Variants in STARD10 observed in about 807,000 individuals in gnomAD.
STARD10 encodes START domain-containing protein 10.
Under a neutral mutation model 36.0 loss-of-function variants are expected in STARD10, and 24 were observed. That is an observed-to-expected ratio of 0.67 (90% CI 0.48 to 0.94). The LOEUF (loss-of-function observed/expected upper bound fraction) is 0.94, where lower values mean the gene tolerates loss of function less well. Among genes scored for constraint, STARD10 ranks in the 40% least tolerant of loss-of-function variants. The probability of loss-of-function intolerance (pLI) is 0.00; values close to 1 mark genes in which losing one functional copy is unlikely to be tolerated. For missense variants in STARD10, 335 were observed against 396.6 expected (o/e 0.84, Z 1.32); for synonymous variants, 156 against 161.9 (o/e 0.96, Z 0.28).
intron 2 of STARD10, among the ~76,000 whole-genome samples, chr11:72,768,444 C>T (rs558638864): frequency 6.6e-6 from 1 of 151,736 alleles, no homozygotes; most frequent in African/African-American, 2.4e-5. Flanking sequence ...ACTTTACACT[C>T]CCCCCGCCCC....
chr11:72,756,215 T>C (rs1858641667), intron 5 of STARD10, among the ~76,000 whole-genome samples: 1 of 152,082 alleles, frequency 6.6e-6, no homozygotes, highest in South Asian at 2.1e-4. Context: ...TGACCTGGAA[T>C]CCACTGCCCA....
chr11:72,769,908 G>A (rs1436706191), intron 2 of STARD10, among the ~76,000 whole-genome samples: 2 of 152,172 alleles, frequency 1.3e-5, no homozygotes, highest in African/African-American at 2.4e-5. Flanking sequence ...AGCTAGCTCT[G>A]CACCTTCAGA....
intron 2 of STARD10, among the ~76,000 whole-genome samples, chr11:72,769,244 A>C (rs1340641522): frequency 6.6e-6 from 1 of 152,214 alleles, no homozygotes; most frequent in Non-Finnish European, 1.5e-5. Context: ...TCAGTAAATT[A>C]CCAAAAATAT....
intron 1 of STARD10, among the ~76,000 whole-genome samples, chr11:72,788,657 G>C (rs905874642): frequency 5.3e-5 from 8 of 150,884 alleles, no homozygotes; most frequent in Admixed American, 2.6e-4. Flanking sequence ...CCACCTCCCA[G>C]ATTCAAGTGA....
chr11:72,761,681 G>T (rs1322145829), intron 2 of STARD10, among the ~76,000 whole-genome samples: 2 of 151,914 alleles, frequency 1.3e-5, no homozygotes, highest in Non-Finnish European at 2.9e-5. Flanking sequence ...GGAGGTGGAG[G>T]TTTCCGTGAG....
chr11:72,791,010 T>C (rs1326271414), intron 1 of STARD10, among the ~76,000 whole-genome samples: 1 of 152,244 alleles, frequency 6.6e-6, no homozygotes, highest in Non-Finnish European at 1.5e-5. Context: ...GGCTAACAGT[T>C]ACTGAATGCT....
At position 72,754,778 on chromosome 11, in the gene STARD10, CCCGCCTGGGCCTGG is replaced by C; in HGVS notation, c.*105_*118del. 6.9e-7 allele frequency: 1 copy of C among 1,439,508 alleles called. No individual in the cohort carries two copies. Among genetic ancestry groups the C allele is most frequent in the East Asian group, 2.5e-5 (1 of 40,164 alleles). 89.2% of individuals were successfully genotyped at this position (1,439,508 alleles called of 1,614,324 possible). On this transcript the variant is annotated 3_prime_UTR_variant, in exon 7 of 7. Coordinates refer to ENST00000334805, the MANE Select transcript of STARD10 (RefSeq NM_006645.3). ...GGCTCTGTCCAGCCAGGCTGCAGCA[CCCGCCTGGGCCTGG>C]CCCGGTGCCACCAGGTGCCGGGTGG...
At chr11:72,777,009 T>C (rs1858936828) in intron 2 of STARD10, among the ~76,000 whole-genome samples, 1 of 152,112 alleles carries the variant, frequency 6.6e-6, no homozygotes, top group Non-Finnish European at 1.5e-5. Context: ...CAGCAGAGCC[T>C]CAGGCTCTCA....
At position 72,781,248 on chromosome 11, in the gene STARD10, C is replaced by G; in HGVS notation, c.-67G>C. The G allele has an allele frequency of 7.2e-7, 1 of 1,381,142 alleles. No individual in the cohort carries two copies. The highest frequency in any genetic ancestry group is 2.3e-5 in the East Asian group (1 of 42,622). The allele number at this position is 1,381,142 out of a possible 1,614,324, so 85.6% of individuals were successfully genotyped here. ...TCTCCTGGGTCCTCCGCGGAGGCTCCGACAACGTCGACGCGGCTGCAGATG... is the reference window on the plus strand; with the variant it reads ...TCTCCTGGGTCCTCCGCGGAGGCTCGGACAACGTCGACGCGGCTGCAGATG... On this transcript the variant is annotated 5_prime_UTR_variant, in exon 2 of 7. Coordinates refer to ENST00000334805, the MANE Select transcript of STARD10 (RefSeq NM_006645.3). This position sits in a 1 kb window ranked among gnomAD's most constrained non-coding sequence, Gnocchi z 4.7.
chr11:72,758,896 G>A (rs1858682511), intron 3 of STARD10, among the ~76,000 whole-genome samples: 2 of 152,234 alleles, frequency 1.3e-5, no homozygotes, highest in African/African-American at 4.8e-5. Flanking sequence ...TTGTCTACGT[G>A]AACGTGAGTG....
chr11:72,786,434 T>C (rs1314198363), intron 1 of STARD10, among the ~76,000 whole-genome samples: 2 of 152,086 alleles, frequency 1.3e-5, no homozygotes, highest in Admixed American at 1.3e-4. Context: ...GAGAGGGATG[T>C]GTCCTTCACA....
Position 72,781,194 on chromosome 11 carries a change from G to T in STARD10, c.-13C>A, listed in dbSNP as rs1206729461. ...CCAGCTTCTCCATGGGGAGTGTGGG[G>T]AGGCCCAGGGCCCTGGTCCTAGTCC... On this transcript the variant is annotated 5_prime_UTR_variant, in exon 2 of 7. Coordinates refer to ENST00000334805, the MANE Select transcript of STARD10 (RefSeq NM_006645.3). The surrounding 1 kb of genome is among the most constrained non-coding windows in gnomAD (Gnocchi z 4.7). 6.2e-7 allele frequency: 1 copy of T among 1,605,280 alleles called. No individual in the cohort carries two copies. The highest frequency in any genetic ancestry group is 2.2e-5 in the East Asian group (1 of 44,842).
intron 2 of STARD10, 53 bp downstream of exon 2, chr11:72,780,922 G>T: frequency 6.3e-7 from 1 of 1,578,428 alleles, no homozygotes; most frequent in Non-Finnish European, 8.7e-7. Context: ...GAGACTCCGG[G>T]AGAGAGGCAG....
chr11:72,756,123 T>TGG (rs1165951625), intron 5 of STARD10, among the ~76,000 whole-genome samples: 2 of 151,962 alleles, frequency 1.3e-5, no homozygotes, highest in East Asian at 3.9e-4. Context: ...GGAATGCCCC[T>TGG]GACGCTCAGC....
chr11:72,765,034 G>A (rs796639284), intron 2 of STARD10, among the ~76,000 whole-genome samples: 168 of 152,328 alleles, frequency 1.1e-3, no homozygotes, highest in African/African-American at 3.6e-3. Flanking sequence ...TCGGGAGGCC[G>A]AGGCGGGCAG....
chr11:72,783,726 C>T (rs1483030698), intron 1 of STARD10: 1 of 152,428 alleles, frequency 6.6e-6, no homozygotes, highest in African/African-American at 2.4e-5. Context: ...TAAAACACAC[C>T]TCAGCAGATA....
chr11:72,757,720 G>C, intron 5 of STARD10, 47 bp downstream of exon 5: 1 of 1,548,840 alleles, frequency 6.5e-7, no homozygotes, highest in Non-Finnish European at 8.9e-7. Context: ...CCACCCCTGT[G>C]GTATAGGGAA....
chr11:72,783,951 G>A (rs1023035866), intron 1 of STARD10, among the ~76,000 whole-genome samples: 2 of 152,168 alleles, frequency 1.3e-5, no homozygotes, highest in Non-Finnish European at 2.9e-5. Context: ...TGGATCTTGG[G>A]TCAGTAAAGG....
chr11:72,761,463 G>A (rs1858715288), intron 2 of STARD10, among the ~76,000 whole-genome samples: 1 of 152,122 alleles, frequency 6.6e-6, no homozygotes, highest in African/African-American at 2.4e-5. Flanking sequence ...CCTAAAAAAA[G>A]GTTACAAAAT....
Sources: allele counts gnomAD v4.1 joint callset (sites outside exome capture counted in the v4.1 genomes callset), GRCh38; gene constraint gnomAD v4.1.1; non-coding constraint Gnocchi (gnomAD v3.1); transcripts MANE v1.5; gene names NCBI Gene and HGNC (gene_info 2026-07-23, HGNC 2026-07-21).